The following EPHA6 variants were observed in gnomAD, a reference collection of about 807,000 sequenced individuals.
The protein encoded by EPHA6 is ephrin type-A receptor 6.
A neutral mutation model predicts 112.0 loss-of-function variants in EPHA6; 50 were observed. That is an observed-to-expected ratio of 0.45 (90% CI 0.36 to 0.56). The LOEUF is 0.56. EPHA6 is among the 20% of genes least tolerant of loss of function. The pLI is 0.00. For missense variants in EPHA6, 1,280 were observed against 1,417.4 expected (o/e 0.90, Z 1.56); for synonymous variants, 529 against 490.7 (o/e 1.08, Z -1.03).
At chr3:96,941,557 C>T (rs2040949471) in intron 2 of EPHA6, among the ~76,000 whole-genome samples, 1 of 152,228 alleles carries the variant, frequency 6.6e-6, no homozygotes, top group South Asian at 2.1e-4. Flanking sequence ...CTTCCTGTAG[C>T]TCGGAGTAGT....
At chr3:97,690,469 CTT>C (rs149089843) in intron 14 of EPHA6, among the ~76,000 whole-genome samples, 45 of 142,260 alleles carry the variant, frequency 3.2e-4, no homozygotes, top group Non-Finnish European at 3.7e-4. Context: ...ACTTTTCGCC[CTT>C]TTTTTTTTTT....
At chr3:97,037,575 A>G (rs932864152) in intron 3 of EPHA6, among the ~76,000 whole-genome samples, 2 of 152,092 alleles carry the variant, frequency 1.3e-5, no homozygotes, top group African/African-American at 2.4e-5. Context: ...ATTAAATGCC[A>G]TACTAGAGAG....
At chr3:96,818,990 A>G (rs1287478815) in intron 1 of EPHA6, among the ~76,000 whole-genome samples, 1 of 151,940 alleles carries the variant, frequency 6.6e-6, no homozygotes, top group Admixed American at 6.6e-5. Context: ...TTAGCATCCA[A>G]AGTACAAAGA....
At chr3:97,171,931 G>T (rs2076714108) in intron 3 of EPHA6, among the ~76,000 whole-genome samples, 1 of 152,062 alleles carries the variant, frequency 6.6e-6, no homozygotes, top group Admixed American at 6.6e-5. Context: ...ATACTATCAA[G>T]TAAATCAAAG....
At chr3:97,693,504 T>C (rs969318246) in intron 14 of EPHA6, among the ~76,000 whole-genome samples, 6 of 152,202 alleles carry the variant, frequency 3.9e-5, no homozygotes, top group Admixed American at 1.3e-4. Context: ...ATGAACCTTG[T>C]ATGTTTCACT....
At chr3:97,022,308 T>C (rs2044489447) in intron 3 of EPHA6, among the ~76,000 whole-genome samples, 1 of 152,210 alleles carries the variant, frequency 6.6e-6, no homozygotes, top group African/African-American at 2.4e-5. Flanking sequence ...CCCAGCTATA[T>C]TAAAATGAAA....
intron 3 of EPHA6, among the ~76,000 whole-genome samples, chr3:97,200,768 A>G (rs898676434): frequency 6.6e-6 from 1 of 152,146 alleles, no homozygotes; most frequent in Non-Finnish European, 1.5e-5. Context: ...TGAATATGGC[A>G]TACTGTCTTC....
intron 10 of EPHA6, among the ~76,000 whole-genome samples, chr3:97,527,632 C>A (rs577996725): frequency 1.2e-4 from 18 of 152,152 alleles, no homozygotes; most frequent in African/African-American, 4.3e-4. Context: ...ACTTACAGCC[C>A]AGAGGAGGGA....
chr3:97,604,270 G>T (rs1490809003), intron 12 of EPHA6, among the ~76,000 whole-genome samples: 3 of 151,620 alleles, frequency 2.0e-5, no homozygotes, highest in Non-Finnish European at 4.4e-5. Context: ...CCAATATCAG[G>T]CTATGTGACT....
chr3:97,530,394 G>A (rs767189332), intron 10 of EPHA6, among the ~76,000 whole-genome samples: 10 of 151,836 alleles, frequency 6.6e-5, no homozygotes, highest in African/African-American at 1.7e-4. Context: ...ATAACTTAGC[G>A]CAGATACCAT....
chr3:97,307,169 T>G (rs1348008834), intron 5 of EPHA6, among the ~76,000 whole-genome samples: 1 of 151,802 alleles, frequency 6.6e-6, no homozygotes, highest in Non-Finnish European at 1.5e-5. Context: ...ACCTATGGCT[T>G]CTGCACATCT....
chr3:97,369,156 A>G (rs1448647822), intron 5 of EPHA6, among the ~76,000 whole-genome samples: 6 of 152,348 alleles, frequency 3.9e-5, no homozygotes, highest in Admixed American at 1.3e-4. Flanking sequence ...GTGTCATGAT[A>G]TAACAATGAA....
intron 3 of EPHA6, among the ~76,000 whole-genome samples, chr3:97,080,043 TTTA>T (rs1295252430): frequency 1.3e-5 from 2 of 152,134 alleles, no homozygotes; most frequent in Non-Finnish European, 2.9e-5. Flanking sequence ...TGTGACTTGC[TTTA>T]TTGTGAAATG....
At chr3:97,107,451 G>T (rs2047601175) in intron 3 of EPHA6, among the ~76,000 whole-genome samples, 1 of 152,010 alleles carries the variant, frequency 6.6e-6, no homozygotes, top group Admixed American at 6.6e-5. Flanking sequence ...ACCATATGTT[G>T]TTTCCTGTTG....
intron 10 of EPHA6, among the ~76,000 whole-genome samples, chr3:97,530,565 A>C (rs768098643): frequency 6.6e-6 from 1 of 151,682 alleles, no homozygotes; most frequent in African/African-American, 2.4e-5. Flanking sequence ...AAGTCAGGAA[A>C]TTCATCCTCC....
At chr3:96,928,394 A>G (rs1222804445) in intron 2 of EPHA6, among the ~76,000 whole-genome samples, 1 of 152,218 alleles carries the variant, frequency 6.6e-6, no homozygotes. Context: ...AAAGTCATTC[A>G]GGAGCAGGTT....
At chr3:97,167,109 T>A (rs1189458695) in intron 3 of EPHA6, among the ~76,000 whole-genome samples, 1 of 152,144 alleles carries the variant, frequency 6.6e-6, no homozygotes, top group Non-Finnish European at 1.5e-5. Flanking sequence ...CAAAATGCTG[T>A]TGTGCCAGGA....
intron 5 of EPHA6, among the ~76,000 whole-genome samples, chr3:97,332,630 A>T (rs1366252870): frequency 6.6e-6 from 1 of 152,066 alleles, no homozygotes; most frequent in Non-Finnish European, 1.5e-5. Flanking sequence ...TCTGTAATTC[A>T]TTTTGAATTG....
At chr3:97,256,542 A>G (rs1190100750) in intron 5 of EPHA6, among the ~76,000 whole-genome samples, 1 of 152,076 alleles carries the variant, frequency 6.6e-6, no homozygotes, top group Non-Finnish European at 1.5e-5. Flanking sequence ...CACTGTCTAA[A>G]CTTAACACAG....
Sources: gnomAD v4.1 joint callset for allele counts (sites outside exome capture counted in the v4.1 genomes callset) on GRCh38, gnomAD v4.1.1 for gene constraint, MANE v1.5 for transcripts, NCBI Gene and HGNC (gene_info 2026-07-23, HGNC 2026-07-21) for gene names.